THSD7A: variants seen among roughly 807,000 people sequenced by gnomAD.
The protein encoded by THSD7A is thrombospondin type-1 domain-containing protein 7A.
A neutral mutation model predicts 231.3 loss-of-function variants in THSD7A; 96 were observed. The observed-to-expected ratio is 0.41, with a 90% CI of 0.35 to 0.49. The LOEUF (loss-of-function observed/expected upper bound fraction) is 0.49. THSD7A is among the 20% of genes least tolerant of loss of function. The pLI, the probability that THSD7A is intolerant of heterozygous loss-of-function variation, is 0.05. For missense variants in THSD7A, 2,290 were observed against 2,070.2 expected, an observed-to-expected ratio of 1.11 and a Z score of -2.06; for synonymous variants, 940 against 743.3, an observed-to-expected ratio of 1.26 and a Z score of -4.30.
At position 11,590,514 on chromosome 7, in the gene THSD7A, C is replaced by T. The variant is rs61996275; in HGVS notation, c.1399G>A (p.Val467Met). 289 of 1,613,796 alleles carry T rather than the reference C, an allele frequency of 1.8e-4. 1 individual carries two copies. In the African/African-American group the frequency reaches 3.0e-3, roughly 17 times the overall value. The change falls in exon 4 of 28, where the codon GTG (valine) becomes ATG (methionine). Residue 467 changes from valine (V) to methionine (M), a missense_variant. Physicochemically the swap from Val to Met is conservative, Grantham distance 21 (BLOSUM62 1). Transcript: ENST00000423059. This position sits in a 1 kb window ranked among gnomAD's most constrained non-coding sequence, Gnocchi z 4.4. ...GGIQTREVYC[V>M]QANENLLSQL... ...GAGAGGAGGTTTTCGTTGGCCTGCACGCAGTACACCTCTCGGGTCTGGATG... is the reference window on the plus strand; with the variant it reads ...GAGAGGAGGTTTTCGTTGGCCTGCATGCAGTACACCTCTCGGGTCTGGATG...
intron 1 of THSD7A, among the ~76,000 whole-genome samples, chr7:11,676,846 C>A (rs1430057868): frequency 6.6e-6 from 1 of 152,112 alleles, no homozygotes; most frequent in Admixed American, 6.5e-5. Flanking sequence ...AAACACACTG[C>A]AGTGTATTAT....
intron 1 of THSD7A, among the ~76,000 whole-genome samples, chr7:11,677,832 G>A (rs922239554): frequency 2.0e-5 from 3 of 151,920 alleles, no homozygotes; most frequent in African/African-American, 7.3e-5. Flanking sequence ...ACTCAGCTCT[G>A]GACCAAGCAG....
chr7:11,495,098 T>G (rs1787045984), intron 6 of THSD7A, among the ~76,000 whole-genome samples: 1 of 152,090 alleles, frequency 6.6e-6, no homozygotes, highest in Non-Finnish European at 1.5e-5. Flanking sequence ...TGACCTTTGA[T>G]GCATTTCTTT....
chr7:11,522,804 G>A (rs776586003), intron 6 of THSD7A, among the ~76,000 whole-genome samples: 16 of 152,018 alleles, frequency 1.1e-4, no homozygotes, highest in Non-Finnish European at 1.6e-4. Context: ...ACTATAATAC[G>A]AAAGTACATG....
intron 1 of THSD7A, among the ~76,000 whole-genome samples, chr7:11,658,129 T>A (rs1019842640): frequency 1.1e-4 from 16 of 151,656 alleles, no homozygotes; most frequent in Non-Finnish European, 2.1e-4. Flanking sequence ...AACACATAGG[T>A]TAAAGAAATT....
At chr7:11,641,698 A>G (rs1442982349) in intron 1 of THSD7A, among the ~76,000 whole-genome samples, 1 of 152,162 alleles carries the variant, frequency 6.6e-6, no homozygotes, top group Non-Finnish European at 1.5e-5. Context: ...AATAAAATGC[A>G]TGAAGGCACC....
chr7:11,679,089 G>A (rs879565286), intron 1 of THSD7A, among the ~76,000 whole-genome samples: 27 of 152,192 alleles, frequency 1.8e-4, no homozygotes, highest in Non-Finnish European at 3.4e-4. Context: ...CAGAACCAAT[G>A]ACAAAAACCA....
intron 1 of THSD7A, among the ~76,000 whole-genome samples, chr7:11,808,941 T>G (rs1012506052): frequency 2.6e-5 from 4 of 152,092 alleles, no homozygotes; most frequent in African/African-American, 9.7e-5. Flanking sequence ...ATACATATAG[T>G]AGAAATACAT....
chr7:11,574,094 CAG>C (rs1175088384), intron 4 of THSD7A, among the ~76,000 whole-genome samples: 1 of 152,126 alleles, frequency 6.6e-6, no homozygotes, highest in South Asian at 2.1e-4. Context: ...ATTTGTTTCT[CAG>C]GGGAAAATTT....
At chr7:11,400,750 T>C (rs368109625) in intron 23 of THSD7A, among the ~76,000 whole-genome samples, 1 of 152,220 alleles carries the variant, frequency 6.6e-6, no homozygotes, top group Non-Finnish European at 1.5e-5. Flanking sequence ...ACTGCAAGTA[T>C]TCTTTTCCAA....
intron 1 of THSD7A, among the ~76,000 whole-genome samples, chr7:11,722,613 C>T (rs1166549148): frequency 6.6e-6 from 1 of 151,744 alleles, no homozygotes; most frequent in Non-Finnish European, 1.5e-5. Context: ...TAGCCTCCTG[C>T]CCACCAAATT....
At chr7:11,724,939 C>T (rs978394357) in intron 1 of THSD7A, among the ~76,000 whole-genome samples, 6 of 151,760 alleles carry the variant, frequency 4.0e-5, no homozygotes, top group South Asian at 2.1e-4. Flanking sequence ...TCTTCTTCTT[C>T]TTCTTCTTCT....
chr7:11,503,737 T>C (rs1787432291), intron 6 of THSD7A, among the ~76,000 whole-genome samples: 1 of 152,030 alleles, frequency 6.6e-6, no homozygotes, highest in African/African-American at 2.4e-5. Flanking sequence ...ATTAGAGAAA[T>C]GCAAATCAAA....
chr7:11,568,660 A>G (rs1790482908), intron 4 of THSD7A, among the ~76,000 whole-genome samples: 1 of 143,734 alleles, frequency 7.0e-6, no homozygotes, highest in African/African-American at 2.5e-5. Context: ...AAAAACCAAA[A>G]TCTGGAACAA....
chr7:11,488,822 A>G (rs915262916), intron 6 of THSD7A, among the ~76,000 whole-genome samples: 4 of 152,152 alleles, frequency 2.6e-5, no homozygotes, highest in African/African-American at 9.6e-5. Flanking sequence ...TTCTATCCAC[A>G]GAAAGCTTTC....
chr7:11,655,870 A>G (rs141038327), intron 1 of THSD7A, among the ~76,000 whole-genome samples: 263 of 151,978 alleles, frequency 1.7e-3, no homozygotes, highest in Non-Finnish European at 3.3e-3. Flanking sequence ...TGTTTGCATA[A>G]TTGCTTGGGC....
rs1782112204 is a variant in THSD7A at position 11,372,902 on chromosome 7, C to T, written c.*2892G>A. 6.6e-6 allele frequency: 1 copy of T among 151,962 alleles called. No homozygotes were observed. Among genetic ancestry groups the T allele is most frequent in the Non-Finnish European group, 1.5e-5 (1 of 67,942 alleles). The allele number at this position is 151,962 out of a possible 1,614,324, so 9.4% of individuals were successfully genotyped here. ...TTATAAACATGAATATAATAACCTTCCCTTTGTCCAAAATAGCCAGATTGC... is the reference window on the plus strand; with the variant it reads ...TTATAAACATGAATATAATAACCTTTCCTTTGTCCAAAATAGCCAGATTGC... On this transcript the variant is annotated 3_prime_UTR_variant, in exon 28 of 28. Coordinates refer to ENST00000423059, the MANE Select transcript of THSD7A (RefSeq NM_015204.3).
chr7:11,511,117 C>G (rs1200461475), intron 6 of THSD7A, among the ~76,000 whole-genome samples: 1 of 152,140 alleles, frequency 6.6e-6, no homozygotes, highest in African/African-American at 2.4e-5. Flanking sequence ...GCAAAAATCA[C>G]AAGCATTCCT....
chr7:11,640,433 T>C (rs1037111075), intron 1 of THSD7A, among the ~76,000 whole-genome samples: 2 of 152,154 alleles, frequency 1.3e-5, no homozygotes, highest in African/African-American at 4.8e-5. Flanking sequence ...TATCTAGTTA[T>C]TGAAAACACA....
Sources: allele counts gnomAD v4.1 joint callset (sites outside exome capture counted in the v4.1 genomes callset), GRCh38; gene constraint gnomAD v4.1.1; non-coding constraint Gnocchi (gnomAD v3.1); transcripts MANE v1.5; gene names NCBI Gene and HGNC (gene_info 2026-07-23, HGNC 2026-07-21).